SNX2: variants seen among roughly 807,000 people sequenced by gnomAD.
SNX2 encodes sorting nexin-2.
Under a neutral mutation model 69.9 loss-of-function variants are expected in SNX2, and 25 were observed. The observed-to-expected ratio is 0.36, with a 90% CI of 0.26 to 0.50. The LOEUF (loss-of-function observed/expected upper bound fraction) is 0.50, where lower values mean the gene tolerates loss of function less well. SNX2 is among the 20% of genes least tolerant of loss of function. SNX2 has a pLI of 0.97. For synonymous variants in SNX2, 229 were observed against 200.4 expected (o/e 1.14, Z -1.20); for missense variants, 551 against 613.3 (o/e 0.90, Z 1.07).
chr5:122,821,795 T>C (rs1227594746), intron 11 of SNX2, among the ~76,000 whole-genome samples: 1 of 152,152 alleles, frequency 6.6e-6, no homozygotes, highest in South Asian at 2.1e-4. Flanking sequence ...TTCCATCATA[T>C]AACATTTAGA....
chr5:122,829,236 G>C (rs1318930717), intron 14 of SNX2, among the ~76,000 whole-genome samples: 1 of 151,914 alleles, frequency 6.6e-6, no homozygotes, highest in African/African-American at 2.4e-5. Flanking sequence ...ATGGAGTCTT[G>C]CTCTGTTGTC....
At chr5:122,825,553 G>A (rs1283623985) in intron 11 of SNX2, among the ~76,000 whole-genome samples, 1 of 151,606 alleles carries the variant, frequency 6.6e-6, no homozygotes, top group Non-Finnish European at 1.5e-5. Flanking sequence ...TATATTTTAC[G>A]TTTTGATTGC....
chr5:122,793,512 CAAGTGCATTTGCATAGGTATGTTGAGTT>C (rs1207545068), intron 1 of SNX2, among the ~76,000 whole-genome samples: 9 of 152,156 alleles, frequency 5.9e-5, no homozygotes, highest in African/African-American at 1.9e-4. Flanking sequence ...TTTCATGATC[CAAGTGCATTTGCATAGGTATGTTGAGTT>C]TTTGAAACTA....
intron 7 of SNX2, among the ~76,000 whole-genome samples, chr5:122,809,095 A>G (rs1300883783): frequency 6.6e-6 from 1 of 152,156 alleles, no homozygotes; most frequent in African/African-American, 2.4e-5. Flanking sequence ...TATACTAAAC[A>G]TGTGCAGACA....
At chr5:122,784,031 C>T (rs1753030032) in intron 1 of SNX2, among the ~76,000 whole-genome samples, 1 of 151,632 alleles carries the variant, frequency 6.6e-6, no homozygotes, top group Admixed American at 6.6e-5. Context: ...GTTTTTAGTG[C>T]TTTTATTTCT....
chr5:122,821,303 C>G (rs1754015195), intron 11 of SNX2, among the ~76,000 whole-genome samples: 1 of 152,094 alleles, frequency 6.6e-6, no homozygotes, highest in African/African-American at 2.4e-5. Flanking sequence ...GTACATGAAG[C>G]TAATTCTCCC....
intron 11 of SNX2, among the ~76,000 whole-genome samples, chr5:122,820,530 C>G (rs1409861025): frequency 6.7e-6 from 1 of 150,066 alleles, no homozygotes; most frequent in Non-Finnish European, 1.5e-5. Flanking sequence ...GACTCCATCT[C>G]AAATAAAAAA....
chr5:122,809,255 G>C (rs1199472236), intron 7 of SNX2, among the ~76,000 whole-genome samples: 1 of 152,116 alleles, frequency 6.6e-6, no homozygotes, highest in Non-Finnish European at 1.5e-5. Flanking sequence ...TTTTCTATCA[G>C]GGATTTGAAC....
In SNX2 at chr5:122,830,568, G is replaced by T. The variant is rs1754263214; in HGVS notation, c.*920G>T. On this transcript the variant is annotated 3_prime_UTR_variant, in exon 15 of 15. Transcript: ENST00000379516. ...CACAGTTGACAAGGAATGGTACCAT[G>T]TTAAAATATACCATGATTTGATGAA... Among the ~76,000 whole-genome samples, 1 of 152,086 alleles carries T rather than the reference G, an allele frequency of 6.6e-6. No individual in the cohort carries two copies. The highest frequency in any genetic ancestry group is 1.5e-5 in the Non-Finnish European group (1 of 68,018).
chr5:122,776,743 A>G (rs755782972), intron 1 of SNX2, among the ~76,000 whole-genome samples: 3 of 152,176 alleles, frequency 2.0e-5, no homozygotes, highest in Non-Finnish European at 4.4e-5. Context: ...GATTGACCCT[A>G]GTGTGAACTA....
intron 14 of SNX2, 51 bp downstream of exon 14, chr5:122,827,697 A>C: frequency 1.5e-6 from 2 of 1,306,188 alleles, no homozygotes; most frequent in Non-Finnish European, 2.2e-6. Context: ...TTTTTGGTAT[A>C]CTTTCTTATT....
Position 122,818,912 on chromosome 5 carries a change from T to G in SNX2, c.1101T>G (p.Leu367=). The G allele has an allele frequency of 6.2e-7, 1 of 1,614,042 alleles. No homozygotes were observed. The highest frequency in any genetic ancestry group is 8.5e-7 in the Non-Finnish European group (1 of 1,179,928). The change falls in exon 11 of 15, where the codon CTT becomes CTG. Residue 367 remains leucine (L), a synonymous_variant. Transcript: ENST00000379516. ...HTALSRALSQ[L]AEVEEKIDQL... is the part of the protein sequence containing the mutation. ...CTTTATCTAGAGCTTTGTCTCAGCT[T>G]GCAGAGGTTGAGGAGAAGATAGACC...
chr5:122,792,575 C>A (rs1008986596), intron 1 of SNX2, among the ~76,000 whole-genome samples: 22 of 135,278 alleles, frequency 1.6e-4, no homozygotes, highest in African/African-American at 5.5e-4. Flanking sequence ...CCAGCCTGGG[C>A]AACAAGAGTG....
chr5:122,815,403 C>T (rs1013134919), intron 7 of SNX2, among the ~76,000 whole-genome samples: 1 of 152,098 alleles, frequency 6.6e-6, no homozygotes, highest in African/African-American at 2.4e-5. Context: ...TAATTGTGAT[C>T]ATTTAAATAT....
chr5:122,803,497 G>C lies in SNX2; in HGVS notation c.527G>C (p.Ser176Thr). 1 of 1,611,058 alleles carries C rather than the reference G, an allele frequency of 6.2e-7. No individual in the cohort carries two copies. Among genetic ancestry groups the C allele is most frequent in the Non-Finnish European group, 8.5e-7 (1 of 1,179,238 alleles). The change falls in exon 6 of 15, where the codon AGT becomes ACT. Residue 176 changes from serine (S) to threonine (T), a missense_variant. By Grantham distance (58) the Ser-to-Thr change is moderately conservative (BLOSUM62 1). Around this residue, in one of 2 missense-constraint regions of SNX2, gnomAD observed 360 missense variants for 450.4 expected, o/e 0.80. Transcript: ENST00000379516. ...TKTSLSMFSK[S>T]EFSVKRRFSD... ...ACATCTCTTTCCATGTTCAGTAAGA[G>C]TGAATTTTCAGTGAAAAGAAGATTC...
intron 8 of SNX2, 140 bp from the exon 9 acceptor site, chr5:122,816,775 T>A (rs1406746859): frequency 1.2e-5 from 6 of 497,544 alleles, no homozygotes; most frequent in Non-Finnish European, 2.2e-5. Flanking sequence ...TTGAAATGTA[T>A]GAGAGTGAAG....
At chr5:122,810,857 T>C (rs995852478) in intron 7 of SNX2, among the ~76,000 whole-genome samples, 4 of 152,204 alleles carry the variant, frequency 2.6e-5, no homozygotes, top group Non-Finnish European at 5.9e-5. Flanking sequence ...GAAGAAAATA[T>C]AGGCATAAAG....
At chr5:122,801,605 TAAA>T (rs34058769) in intron 3 of SNX2, among the ~76,000 whole-genome samples, 4 of 123,670 alleles carry the variant, frequency 3.2e-5, no homozygotes, top group Admixed American at 8.5e-5. Context: ...ACTCTATCTT[TAAA>T]AAAAAAAAAA....
chr5:122,817,188 C>A, intron 9 of SNX2, 92 bp from the exon 10 acceptor site: 1 of 1,331,850 alleles, frequency 7.5e-7, no homozygotes, highest in Non-Finnish European at 1.1e-6. Flanking sequence ...TAATTTGTTG[C>A]TTTAAAACAA....
Sources: gnomAD v4.1 joint callset for allele counts (sites outside exome capture counted in the v4.1 genomes callset) on GRCh38, gnomAD v4.1.1 for gene constraint, gnomAD v4.1.1 regional missense constraint, MANE v1.5 for transcripts, NCBI Gene and HGNC (gene_info 2026-07-23, HGNC 2026-07-21) for gene names.